Variants in ZNF552 observed in about 807,000 individuals in gnomAD.
The protein encoded by ZNF552 is zinc finger protein 552.
Under a neutral mutation model 7.2 loss-of-function variants are expected in ZNF552, and 2 were observed. The observed-to-expected ratio is 0.28, with a 90% confidence interval of 0.11 to 0.88. The LOEUF is 0.88. ZNF552 is among the 40% of genes least tolerant of loss of function. ZNF552 has a pLI of 0.60. For synonymous variants in ZNF552, 173 were observed against 176.5 expected (o/e 0.98, Z 0.16); for missense variants, 421 against 493.4 (o/e 0.85, Z 1.39).
Position 57,814,759 on chromosome 19 carries a change from A to C in ZNF552, c.-16T>G. 6.2e-7 allele frequency: 1 copy of C among 1,613,554 alleles called. No homozygotes were observed. Among genetic ancestry groups the C allele is most frequent in the Non-Finnish European group, 8.5e-7 (1 of 1,179,840 alleles). The stretch of plus-strand genomic sequence containing the variant: ...CCGCCGCCATGGGACCACGTGGGGT[A>C]AGCTGGGTTGAGAGCAGCGGGCGCC... On this transcript the variant is annotated 5_prime_UTR_variant, in exon 1 of 3. Coordinates refer to ENST00000391701, the MANE Select transcript of ZNF552 (RefSeq NM_024762.3).
chr19:57,813,357 C>G lies in ZNF552; in HGVS notation c.97G>C (p.Glu33Gln). 2.5e-6 allele frequency: 4 copies of G among 1,614,134 alleles called. No homozygotes were observed. The South Asian group carries it at 3.3e-5, about 13-fold the overall frequency. Reference sequence around the variant, plus strand: ...TCACGGTACAGGCATCTCTGAGCCTCACTAAGGAGATTCCATTCCTCCTGG... The same window carrying G: ...TCACGGTACAGGCATCTCTGAGCCTGACTAAGGAGATTCCATTCCTCCTGG... ...FTQEEWNLLS[E>Q]AQRCLYRDVT... The change falls in exon 2 of 3, where the codon GAG becomes CAG. Residue 33 changes from glutamate (E) to glutamine (Q), a missense_variant. This residue lies in a region of ZNF552 where 122 missense variants were observed against 199.7 expected (regional missense o/e 0.61). Transcript: ENST00000391701.
chr19:57,814,732 G>C lies in ZNF552; in HGVS notation c.12C>G (p.Ala4=). The change falls in exon 1 of 3, where the codon GCC becomes GCG. Residue 4 remains alanine, a synonymous_variant. Coordinates refer to ENST00000391701, the MANE Select transcript of ZNF552 (RefSeq NM_024762.3). MAA[A]ALRFPVQGTV... ...TTACCTGAACGGGGAACCTTAGCGC[G>C]GCCGCCGCCATGGGACCACGTGGGG... 6.2e-7 allele frequency: 1 copy of C among 1,613,972 alleles called. No individual in the cohort carries two copies. Among genetic ancestry groups the C allele is most frequent in the Non-Finnish European group, 8.5e-7 (1 of 1,179,986 alleles).
In ZNF552 at chr19:57,808,544, A is replaced by G. The variant is rs780380799; in HGVS notation, c.720T>C (p.Ser240=). The G allele has an allele frequency of 1.9e-6, 3 of 1,614,168 alleles. No individual in the cohort carries two copies. The highest frequency in any genetic ancestry group is 2.5e-6 in the Non-Finnish European group (3 of 1,180,018). ...HERLLPTEEP[S]VWCECGKSSS... is the part of the protein sequence containing the mutation. ...AGGATTTCCCACATTCACACCACAC[A>G]GAAGGTTCTTCTGTAGGGAGCAGTC... is the stretch of plus-strand genomic sequence containing the variant. Residue 240 remains serine (S), a synonymous_variant, in exon 3 of 3, where the codon TCT becomes TCC. Transcript: ENST00000391701.
At position 57,808,241 on chromosome 19, in the gene ZNF552, A is replaced by G. The variant is rs746630274; in HGVS notation, c.1023T>C (p.Val341=). 6.2e-7 allele frequency: 1 copy of G among 1,614,056 alleles called. No individual in the cohort carries two copies. The highest frequency in any genetic ancestry group is 1.1e-5 in the South Asian group (1 of 91,074). The change falls in exon 3 of 3, where the codon GTT becomes GTC. Residue 341 remains valine, a synonymous_variant. Coordinates refer to ENST00000391701, the MANE Select transcript of ZNF552 (RefSeq NM_024762.3). ...KSFTHSSTFR[V]HKRVHTGQKP... ...TCTGACCAGTGTGAACTCTCTTATG[A>G]ACACGGAATGTAGAGCTGTGGGTAA...
At position 57,814,779 on chromosome 19, in the gene ZNF552, G is replaced by C; in HGVS notation, c.-36C>G. ...GGGGTAAGCTGGGTTGAGAGCAGCG[G>C]GCGCCGTTAAAGAGCTGCAGAGTCA... On this transcript the variant is annotated 5_prime_UTR_variant, in exon 1 of 3. Transcript: ENST00000391701. 6.2e-7 allele frequency: 1 copy of C among 1,608,910 alleles called. No individual in the cohort carries two copies. The highest frequency in any genetic ancestry group is 8.5e-7 in the Non-Finnish European group (1 of 1,177,614).
chr19:57,813,609 G>A (rs1186568332), intron 1 of ZNF552, among the ~76,000 whole-genome samples, 189 bp from the exon 2 acceptor site: 1 of 151,968 alleles, frequency 6.6e-6, no homozygotes, highest in Non-Finnish European at 1.5e-5. Context: ...GTATCTGTGC[G>A]GTGGCTGTGA....
intron 2 of ZNF552, among the ~76,000 whole-genome samples, chr19:57,809,967 T>G (rs968302076): frequency 4.6e-5 from 7 of 151,264 alleles, no homozygotes; most frequent in African/African-American, 1.5e-4. Flanking sequence ...ATTAGCCAGG[T>G]GTGATGGTGT....
At chr19:57,814,641 C>A in intron 1 of ZNF552, 70 bp downstream of exon 1, 1 of 1,612,710 alleles carries the variant, frequency 6.2e-7, no homozygotes, top group Non-Finnish European at 8.5e-7. Context: ...AAACAGGTGC[C>A]GCTCCCTCGC....
At chr19:57,814,146 G>GA (rs2122151889) in intron 1 of ZNF552, among the ~76,000 whole-genome samples, 1 of 152,130 alleles carries the variant, frequency 6.6e-6, no homozygotes, top group Non-Finnish European at 1.5e-5. Flanking sequence ...GTAAGCTCAG[G>GA]CCTCCCTGAA....
chr19:57,812,083 C>T (rs1987869174), intron 2 of ZNF552, among the ~76,000 whole-genome samples: 1 of 148,726 alleles, frequency 6.7e-6, no homozygotes, highest in Non-Finnish European at 1.5e-5. Flanking sequence ...CACCTGTATT[C>T]CCAGCTTCTC....
rs760805366 is a variant in ZNF552 at position 57,808,611 on chromosome 19, A to G, written c.653T>C (p.Met218Thr). 6 of 1,614,156 alleles carry G rather than the reference A, an allele frequency of 3.7e-6. No homozygotes were observed. The highest frequency in any genetic ancestry group is 2.2e-5 in the South Asian group (2 of 91,082). The change falls in exon 3 of 3, where the codon ATG becomes ACG. Residue 218 changes from methionine to threonine, a missense_variant. Met to Thr is a moderately conservative substitution (Grantham distance 81, BLOSUM62 -1). Around this residue, in one of 2 missense-constraint regions of ZNF552, gnomAD observed 299 missense variants for 293.7 expected, o/e 1.02. Coordinates refer to ENST00000391701, the MANE Select transcript of ZNF552 (RefSeq NM_024762.3). ...GKSHYSCGGC[M>T]KHFSTKDILS... ...TATATCTTTGGTGCTAAAATGTTTCATGCATCCTCCACAGCTGTAATGGCT... is the reference window on the plus strand; with the variant it reads ...TATATCTTTGGTGCTAAAATGTTTCGTGCATCCTCCACAGCTGTAATGGCT...
chr19:57,814,650 G>A (rs1188294001), intron 1 of ZNF552, 61 bp downstream of exon 1: 14 of 1,613,560 alleles, frequency 8.7e-6, no homozygotes, highest in Non-Finnish European at 1.2e-5. Context: ...CCGCTCCCTC[G>A]CTGCTTTAGG....
Position 57,808,590 on chromosome 19 carries a change from T to C in ZNF552, c.674A>G (p.Asp225Gly). 6.2e-7 allele frequency: 1 copy of C among 1,614,154 alleles called. No individual in the cohort carries two copies. The highest frequency in any genetic ancestry group is 8.5e-7 in the Non-Finnish European group (1 of 1,180,046). The change falls in exon 3 of 3, where the codon GAT (aspartate) becomes GGT (glycine). Residue 225 changes from aspartate (D) to glycine (G), a missense_variant. By Grantham distance (94) the Asp-to-Gly change is moderately conservative. Coordinates refer to ENST00000391701, the MANE Select transcript of ZNF552 (RefSeq NM_024762.3). ...GGCMKHFSTK[D>G]ILSQHERLLP... The stretch of plus-strand genomic sequence containing the variant: ...CAGTCTCTCGTGCTGACTGAGTATA[T>C]CTTTGGTGCTAAAATGTTTCATGCA...
chr19:57,814,858 C>T lies in ZNF552; in HGVS notation c.-115G>A. 8.9e-7 allele frequency: 1 copy of T among 1,118,878 alleles called. No individual in the cohort carries two copies. Among genetic ancestry groups the T allele is most frequent in the Non-Finnish European group, 1.3e-6 (1 of 787,756 alleles). 69.3% of individuals were successfully genotyped at this position (1,118,878 alleles called of 1,614,324 possible). Reference sequence around the variant, plus strand: ...GACCTCCTGGATCCAGTCACCACCACGGTCCCAACACAGCGCTCCAAGGAC... The same window carrying T: ...GACCTCCTGGATCCAGTCACCACCATGGTCCCAACACAGCGCTCCAAGGAC... On this transcript the variant is annotated 5_prime_UTR_variant, in exon 1 of 3. The change creates a new upstream start codon in the 5' untranslated region. Transcript: ENST00000391701.
chr19:57,808,140 G>T lies in ZNF552; in HGVS notation c.1124C>A (p.Thr375Asn). 1 of 1,614,146 alleles carries T rather than the reference G, an allele frequency of 6.2e-7. No individual in the cohort carries two copies. Among genetic ancestry groups the T allele is most frequent in the Non-Finnish European group, 8.5e-7 (1 of 1,180,030 alleles). Residue 375 changes from threonine (T) to asparagine (N), a missense_variant, in exon 3 of 3, where the codon ACT becomes AAT. By Grantham distance (65) the Thr-to-Asn change is moderately conservative (BLOSUM62 0). Transcript: ENST00000391701. ...SSLTKHRRVHTGEKPYGCSEC... is the reference protein window; with the variant it reads ...SSLTKHRRVHNGEKPYGCSEC... ...ACTGCACCCGTAAGGCTTTTCTCCA[G>T]TGTGAACTCTCCTGTGTTTAGTGAG...
At chr19:57,814,344 C>T in intron 1 of ZNF552, 1 of 664,144 alleles carries the variant, frequency 1.5e-6, no homozygotes, top group Non-Finnish European at 2.5e-6. Context: ...GACTTTGATC[C>T]AGTCCCTTCT....
intron 2 of ZNF552, among the ~76,000 whole-genome samples, chr19:57,810,564 C>T (rs1443834695): frequency 1.3e-5 from 2 of 152,260 alleles, no homozygotes; most frequent in African/African-American, 2.4e-5. Context: ...AGGCAGCATG[C>T]TTGTTAAAAG....
chr19:57,813,004 A>C, intron 2 of ZNF552: 1 of 469,306 alleles, frequency 2.1e-6, no homozygotes, highest in Admixed American at 3.7e-5. Context: ...TTAGATCCCG[A>C]ACCTGAAATC....
chr19:57,810,764 T>C (rs903958325), intron 2 of ZNF552, among the ~76,000 whole-genome samples: 3 of 152,010 alleles, frequency 2.0e-5, no homozygotes, highest in African/African-American at 7.3e-5. Context: ...CTCTTTGCAG[T>C]TGAGATAAGA....
Sources: allele counts gnomAD v4.1 joint callset (sites outside exome capture counted in the v4.1 genomes callset), GRCh38; gene constraint gnomAD v4.1.1; regional missense constraint gnomAD v4.1.1; transcripts MANE v1.5; gene names NCBI Gene and HGNC (gene_info 2026-07-23, HGNC 2026-07-21).